PTPN4: variants seen among roughly 807,000 people sequenced by gnomAD.
PTPN4 encodes the protein protein tyrosine phosphatase non-receptor type 4.
Under a neutral mutation model 135.5 loss-of-function variants are expected in PTPN4, and 49 were observed. The ratio of observed to expected loss-of-function variants is 0.36; its 90% CI spans 0.29 to 0.46. The LOEUF is 0.46. Among genes scored for constraint, PTPN4 ranks in the 20% least tolerant of loss-of-function variants. The pLI, the probability that PTPN4 is intolerant of heterozygous loss-of-function variation, is 1.00. For synonymous variants in PTPN4, 333 were observed against 369.9 expected (o/e 0.90, Z 1.14); for missense variants, 860 against 1,101.0 (o/e 0.78, Z 3.10).
intron 2 of PTPN4, among the ~76,000 whole-genome samples, chr2:119,825,797 A>G (rs531924574): frequency 3.7e-4 from 56 of 152,194 alleles, no homozygotes; most frequent in Middle Eastern, 6.8e-3. Flanking sequence ...CGCTCTGCCA[A>G]TCCAAGCCCT....
intron 24 of PTPN4, among the ~76,000 whole-genome samples, chr2:119,963,416 C>A (rs1437342296): frequency 6.6e-6 from 1 of 152,208 alleles, no homozygotes; most frequent in Admixed American, 6.5e-5. Flanking sequence ...CTGCAGCTAG[C>A]TATCCCCCTG....
chr2:119,969,644 C>T (rs1250628498), intron 26 of PTPN4, among the ~76,000 whole-genome samples: 2 of 149,492 alleles, frequency 1.3e-5, no homozygotes, highest in Non-Finnish European at 3.0e-5. Flanking sequence ...CTGCAAGCTC[C>T]GCCTCCCGGG....
chr2:119,947,125 A>G (rs1679145378), intron 18 of PTPN4, among the ~76,000 whole-genome samples: 1 of 152,188 alleles, frequency 6.6e-6, no homozygotes, highest in Non-Finnish European at 1.5e-5. Context: ...ATTCTTAACT[A>G]ATTGTAGGTA....
chr2:119,781,705 G>GA (rs770009309), intron 1 of PTPN4, among the ~76,000 whole-genome samples: 46 of 152,204 alleles, frequency 3.0e-4, no homozygotes, highest in Admixed American at 5.9e-4. Context: ...CATGACCCAT[G>GA]AAAATTACAT....
Position 119,955,141 on chromosome 2 carries a change from GA to G in PTPN4, c.1814-15del, listed in dbSNP as rs770349458. 5 of 1,548,326 alleles carry G rather than the reference GA, an allele frequency of 3.2e-6. No individual in the cohort carries two copies. Among genetic ancestry groups the G allele is most frequent in the Non-Finnish European group, 3.5e-6 (4 of 1,145,274 alleles). The stretch of plus-strand genomic sequence containing the variant: ...GATTTCCACGTTTTGGGGTTTGTTT[GA>G]TTTTTTTTTTTTAGCTGTATATGAT... On this transcript the variant is annotated splice_polypyrimidine_tract_variant and intron_variant, in intron 19 of 26. Coordinates refer to ENST00000263708, the MANE Select transcript of PTPN4 (RefSeq NM_002830.4).
At chr2:119,789,783 T>C (rs992224770) in intron 1 of PTPN4, among the ~76,000 whole-genome samples, 4 of 152,130 alleles carry the variant, frequency 2.6e-5, no homozygotes, top group African/African-American at 9.7e-5. Context: ...AGTGCAGTGG[T>C]GTGATCTCGG....
chr2:119,781,938 C>T (rs112090558), intron 1 of PTPN4, among the ~76,000 whole-genome samples: 53 of 151,890 alleles, frequency 3.5e-4, no homozygotes, highest in African/African-American at 1.3e-3. Context: ...TTTTTTCCTG[C>T]GTGATTGTGT....
At chr2:119,884,081 A>G (rs989391391) in intron 8 of PTPN4, among the ~76,000 whole-genome samples, 2 of 152,060 alleles carry the variant, frequency 1.3e-5, no homozygotes, top group Non-Finnish European at 2.9e-5. Context: ...TGTATTTTTA[A>G]TAGAGATGGG....
At chr2:119,824,963 C>T (rs951758533) in intron 2 of PTPN4, among the ~76,000 whole-genome samples, 4 of 152,212 alleles carry the variant, frequency 2.6e-5, no homozygotes, top group African/African-American at 9.6e-5. Context: ...GCTGGGATTA[C>T]AGGTATGAGC....
At chr2:119,858,888 C>G (rs994298260) in intron 2 of PTPN4, among the ~76,000 whole-genome samples, 13 of 152,202 alleles carry the variant, frequency 8.5e-5, no homozygotes, top group African/African-American at 2.9e-4. Context: ...CCCACCTCAG[C>G]CTCCCAAAGT....
chr2:119,957,697 C>T lies in PTPN4; in HGVS notation c.2133+620C>T, dbSNP rs375607085. Among the ~76,000 whole-genome samples, 34 of 152,070 alleles carry T rather than the reference C, an allele frequency of 2.2e-4. No homozygotes were observed. In the South Asian group the frequency reaches 6.4e-3, roughly 29 times the overall value. ...AAATTTCAAATGTACAAAATTAAAG[C>T]AAACCGTAAAATCAACCTTCATGTA... On this transcript the variant is annotated intron_variant, in intron 22 of 26. Coordinates refer to ENST00000263708, the MANE Select transcript of PTPN4 (RefSeq NM_002830.4).
chr2:119,897,479 G>A (rs1191539457), intron 9 of PTPN4, among the ~76,000 whole-genome samples: 1 of 152,070 alleles, frequency 6.6e-6, no homozygotes, highest in African/African-American at 2.4e-5. Context: ...TCTATATTGA[G>A]ATACACAGAA....
intron 9 of PTPN4, among the ~76,000 whole-genome samples, chr2:119,893,124 T>C (rs1430075822): frequency 6.6e-6 from 1 of 152,210 alleles, no homozygotes; most frequent in Non-Finnish European, 1.5e-5. Context: ...ATTTTTAAAA[T>C]ATAACAATGA....
intron 1 of PTPN4, among the ~76,000 whole-genome samples, chr2:119,794,614 G>A (rs759462159): frequency 1.3e-5 from 2 of 152,190 alleles, no homozygotes; most frequent in Admixed American, 6.5e-5. Context: ...CAGAAATCAC[G>A]GAGCCTTGAA....
At position 119,977,980 on chromosome 2, in the gene PTPN4, G is replaced by C. The variant is rs553817432; in HGVS notation, c.*910G>C. 1 of 152,076 alleles carries C rather than the reference G, an allele frequency of 6.6e-6. No individual in the cohort carries two copies. The highest frequency in any genetic ancestry group is 1.5e-5 in the Non-Finnish European group (1 of 68,014). 9.4% of individuals were successfully genotyped at this position (152,076 alleles called of 1,614,324 possible). ...ATTGAGTGTTATACAGTCAAAGAAG[G>C]GTAAGGAAATTCTGTTTCTTACTCA... On this transcript the variant is annotated 3_prime_UTR_variant, in exon 27 of 27. Transcript: ENST00000263708.
intron 2 of PTPN4, among the ~76,000 whole-genome samples, chr2:119,842,427 G>A (rs1302634340): frequency 6.6e-6 from 1 of 152,234 alleles, no homozygotes; most frequent in East Asian, 1.9e-4. Context: ...TATAAAAGTA[G>A]AAAGAATTGT....
At chr2:119,811,804 GT>G (rs1277833979) in intron 2 of PTPN4, among the ~76,000 whole-genome samples, 1 of 152,036 alleles carries the variant, frequency 6.6e-6, no homozygotes, top group African/African-American at 2.4e-5. Context: ...TTAGTTAACA[GT>G]AGTATGCTGT....
At chr2:119,795,755 T>G (rs1691246032) in intron 1 of PTPN4, among the ~76,000 whole-genome samples, 1 of 152,230 alleles carries the variant, frequency 6.6e-6, no homozygotes, top group East Asian at 1.9e-4. Flanking sequence ...TGCTCCTGGC[T>G]TCCACCAGCT....
At chr2:119,800,856 T>TA (rs1574340899) in intron 1 of PTPN4, among the ~76,000 whole-genome samples, 1 of 152,156 alleles carries the variant, frequency 6.6e-6, no homozygotes, top group African/African-American at 2.4e-5. Flanking sequence ...GTACCTTTGT[T>TA]AAAAATCAGT....
Sources: gnomAD v4.1 joint callset for allele counts (sites outside exome capture counted in the v4.1 genomes callset) on GRCh38, gnomAD v4.1.1 for gene constraint, MANE v1.5 for transcripts, NCBI Gene and HGNC (gene_info 2026-07-23, HGNC 2026-07-21) for gene names.